The following RNLS variants were observed in gnomAD, a reference collection of about 807,000 sequenced individuals.
The protein encoded by RNLS is renalase, FAD dependent amine oxidase, also known as renalase.
RNLS carries 39 observed loss-of-function variants against 39.8 expected under a neutral mutation model. The ratio of observed to expected loss-of-function variants is 0.98; its 90% CI spans 0.76 to 1.28. The LOEUF (loss-of-function observed/expected upper bound fraction) is 1.28. Among genes scored for constraint, RNLS ranks in the 50% most tolerant of loss-of-function variants. The pLI is 0.00. For missense variants in RNLS, 410 were observed against 413.3 expected (o/e 0.99, Z 0.07); for synonymous variants, 147 against 150.7 (o/e 0.98, Z 0.18).
downstream of RNLS, among the ~76,000 whole-genome samples, chr10:88,270,412 G>T (rs1842617203): frequency 6.6e-6 from 1 of 152,166 alleles, no homozygotes; most frequent in African/African-American, 2.4e-5. Flanking sequence ...TAGGGGACAA[G>T]TCTTGCTTGT....
At position 88,350,500 on chromosome 10, in the gene RNLS, C is replaced by T. The variant is rs11202728; in HGVS notation, c.700+12052G>A. Among the ~76,000 whole-genome samples, 7 of 151,956 alleles carry T rather than the reference C, an allele frequency of 4.6e-5. No homozygotes were observed. In the South Asian group the frequency reaches 6.2e-4, roughly 14 times the overall value. On this transcript the variant is annotated intron_variant, in intron 5 of 6. Coordinates refer to ENST00000331772, the MANE Select transcript of RNLS (RefSeq NM_001031709.3). ...TGCGGTGTTTGGTTTTTTGTCCTTG[C>T]GATAGTTTGCTGAGAATGACGGTTT...
intron 4 of RNLS, among the ~76,000 whole-genome samples, chr10:88,457,285 T>C (rs1246677992): frequency 6.6e-6 from 1 of 152,202 alleles, no homozygotes. Flanking sequence ...ATAATGGTTG[T>C]TTTTGTAAAG....
chr10:88,525,710 A>G (rs1315614813), intron 4 of RNLS, among the ~76,000 whole-genome samples: 1 of 152,166 alleles, frequency 6.6e-6, no homozygotes, highest in African/African-American at 2.4e-5. Flanking sequence ...ACAAAGGAGA[A>G]TAATTCAGGT....
chr10:88,276,613 C>T (rs1171986801), intron 6 of RNLS, among the ~76,000 whole-genome samples: 2 of 152,090 alleles, frequency 1.3e-5, no homozygotes, highest in Non-Finnish European at 2.9e-5. Flanking sequence ...ATTATTTCCA[C>T]TGATTTGTAT....
At chr10:88,197,091 G>A in the RNLS span, among the ~76,000 whole-genome samples, 1 of 152,178 alleles carries the variant, frequency 6.6e-6, no homozygotes, top group Non-Finnish European at 1.5e-5. Context: ...GTGACTTTGG[G>A]ATCCAATCTT....
At chr10:88,218,463 C>T in the RNLS span, among the ~76,000 whole-genome samples, 4 of 152,314 alleles carry the variant, frequency 2.6e-5, no homozygotes, top group Admixed American at 2.6e-4. Context: ...TCTCCAGGCC[C>T]CTCCTAGGCA....
intron 4 of RNLS, among the ~76,000 whole-genome samples, chr10:88,570,160 A>G (rs1314756755): frequency 6.6e-6 from 1 of 152,204 alleles, no homozygotes; most frequent in Non-Finnish European, 1.5e-5. Flanking sequence ...CTACAGCTCA[A>G]TCACTCTCAT....
chr10:88,282,846 T>C (rs191206042), downstream of RNLS, among the ~76,000 whole-genome samples: 6 of 152,322 alleles, frequency 3.9e-5, no homozygotes, highest in African/African-American at 1.4e-4. Flanking sequence ...TTTTCAACAC[T>C]GCATCATAAA....
intron 5 of RNLS, among the ~76,000 whole-genome samples, chr10:88,353,587 A>C (rs1478799555): frequency 6.6e-6 from 1 of 151,990 alleles, no homozygotes; most frequent in Non-Finnish European, 1.5e-5. Flanking sequence ...AGTTTGTTAT[A>C]ATTTCTGTTC....
chr10:88,457,902 T>C (rs4934410), intron 4 of RNLS, among the ~76,000 whole-genome samples: 28,764 of 152,130 alleles, frequency 0.19, 3,013 homozygotes, highest in Middle Eastern at 0.29. Context: ...ACATGCCACC[T>C]GTTGGTGCCA....
At chr10:88,185,929 C>G in the RNLS span, among the ~76,000 whole-genome samples, 2 of 152,130 alleles carry the variant, frequency 1.3e-5, no homozygotes, top group African/African-American at 4.8e-5. Flanking sequence ...ATGGAGAAGC[C>G]TTTTCTCACC....
chr10:88,402,551 C>T (rs1852997209), intron 4 of RNLS, among the ~76,000 whole-genome samples: 1 of 151,646 alleles, frequency 6.6e-6, no homozygotes. Context: ...GGTTTCCAGG[C>T]AAAAAGACCA....
chr10:88,569,656 A>G (rs1483440441), intron 4 of RNLS, among the ~76,000 whole-genome samples: 2 of 152,210 alleles, frequency 1.3e-5, no homozygotes, highest in African/African-American at 4.8e-5. Context: ...TCAGATCTGA[A>G]CTTAAGCATA....
chr10:88,261,586 C>T, the RNLS span, among the ~76,000 whole-genome samples: 3 of 152,252 alleles, frequency 2.0e-5, no homozygotes, highest in Non-Finnish European at 4.4e-5. Context: ...TCCATCAAAG[C>T]AAGTCATGTG....
intron 4 of RNLS, among the ~76,000 whole-genome samples, chr10:88,364,343 A>G (rs919007392): frequency 5.9e-5 from 9 of 152,184 alleles, no homozygotes; most frequent in African/African-American, 2.2e-4. Context: ...AAGGGATTCA[A>G]TAAATTATTA....
Position 88,396,801 on chromosome 10 carries a change from A to G in RNLS, c.527-34076T>C, listed in dbSNP as rs150716826. ...AAAAGGTTGGGAAAAGATATACCAT[A>G]CAAACAAAAACTAAAATAGAACTAG... On this transcript the variant is annotated intron_variant, in intron 4 of 6. Transcript: ENST00000331772. Among the ~76,000 whole-genome samples the G allele has an allele frequency of 4.8e-3, 735 of 151,750 alleles. 15 individuals carry two copies. The highest frequency in any genetic ancestry group is 0.018 in the East Asian group (95 of 5,170).
the RNLS span, among the ~76,000 whole-genome samples, chr10:88,248,340 C>T: frequency 6.6e-6 from 1 of 152,162 alleles, no homozygotes; most frequent in African/African-American, 2.4e-5. Context: ...TGACTGACTG[C>T]AAACAACAGA....
intron 4 of RNLS, among the ~76,000 whole-genome samples, chr10:88,452,905 T>C (rs1935578): frequency 0.54 from 81,581 of 152,010 alleles, 22,887 homozygotes; most frequent in African/African-American, 0.72. Context: ...AAGTTCAGTG[T>C]TATGGTCTGA....
At chr10:88,575,739 T>C (rs528495366) in intron 3 of RNLS, among the ~76,000 whole-genome samples, 79 of 152,310 alleles carry the variant, frequency 5.2e-4, no homozygotes, top group African/African-American at 1.9e-3. Context: ...GAGTTATGTC[T>C]GAGCTTAGTA....
Sources: allele counts gnomAD v4.1 joint callset (sites outside exome capture counted in the v4.1 genomes callset), GRCh38; gene constraint gnomAD v4.1.1; transcripts MANE v1.5; gene names NCBI Gene and HGNC (gene_info 2026-07-23, HGNC 2026-07-21).